XRCC4: variants seen among roughly 807,000 people sequenced by gnomAD.
The protein encoded by XRCC4 is DNA repair protein XRCC4.
A neutral mutation model predicts 39.1 loss-of-function variants in XRCC4; 28 were observed. The observed-to-expected ratio is 0.72, with a 90% CI of 0.53 to 0.98. The LOEUF (loss-of-function observed/expected upper bound fraction) is 0.98, where lower values mean the gene tolerates loss of function less well. XRCC4 is among the 50% of genes least tolerant of loss of function. The pLI is 0.00. For missense variants in XRCC4, 350 were observed against 376.4 expected (o/e 0.93, Z 0.58); for synonymous variants, 123 against 126.4 (o/e 0.97, Z 0.18).
intron 7 of XRCC4, among the ~76,000 whole-genome samples, chr5:83,303,672 G>T (rs1029430117): frequency 6.6e-6 from 1 of 152,038 alleles, no homozygotes; most frequent in Non-Finnish European, 1.5e-5. Flanking sequence ...ACTGTATAAT[G>T]TAGTAAAAAA....
chr5:83,140,913 C>A (rs1748140486), intron 3 of XRCC4, among the ~76,000 whole-genome samples: 1 of 152,246 alleles, frequency 6.6e-6, no homozygotes, highest in African/African-American at 2.4e-5. Flanking sequence ...ACACTCTTCT[C>A]ATTTCCAGAC....
rs1753814557 is a variant in XRCC4, at chr5:83,262,972, T to C, written c.893+4295T>C. On this transcript the variant is annotated intron_variant, in intron 7 of 7. Transcript: ENST00000396027. ...CTCGTCATCTAGCATTAGGTATATC[T>C]CCCGATGCTATCCCTCCCCCCCTCC... Among the ~76,000 whole-genome samples, 3 of 146,938 alleles carry C rather than the reference T, an allele frequency of 2.0e-5. No homozygotes were observed. In the East Asian group the frequency reaches 6.3e-4, roughly 31 times the overall value.
At chr5:83,225,167 A>G (rs1300270469) in intron 6 of XRCC4, among the ~76,000 whole-genome samples, 1 of 151,994 alleles carries the variant, frequency 6.6e-6, no homozygotes, top group East Asian at 1.9e-4. Context: ...TGTTTGTCCA[A>G]ACTGTTATCG....
intron 7 of XRCC4, among the ~76,000 whole-genome samples, chr5:83,322,295 C>T (rs550568525): frequency 6.6e-6 from 1 of 152,114 alleles, no homozygotes; most frequent in South Asian, 2.1e-4. Flanking sequence ...CAGCGCTGAA[C>T]TCTATCAAAT....
intron 3 of XRCC4, among the ~76,000 whole-genome samples, chr5:83,125,754 G>A (rs1312469739): frequency 1.3e-5 from 2 of 152,088 alleles, no homozygotes; most frequent in Admixed American, 6.6e-5. Flanking sequence ...AGGCCGAGGC[G>A]GGTGGATCAC....
rs113884537 is a variant in XRCC4, at chr5:83,265,096, A to T, written c.893+6419A>T. Among the ~76,000 whole-genome samples, 694 of 152,264 alleles carry T rather than the reference A, an allele frequency of 4.6e-3. 2 individuals carry two copies. The highest frequency in any genetic ancestry group is 0.016 in the African/African-American group (663 of 41,548). On this transcript the variant is annotated intron_variant, in intron 7 of 7. Transcript: ENST00000396027. ...ATCTTTTCAAAAAGAATTTATTTTC[A>T]TACCTTGATTCTTAAAAATTGCTAG...
At chr5:83,308,871 A>G (rs1755581305) in intron 7 of XRCC4, among the ~76,000 whole-genome samples, 1 of 152,152 alleles carries the variant, frequency 6.6e-6, no homozygotes, top group East Asian at 1.9e-4. Context: ...TTTAATCCAA[A>G]TATCCAAATT....
chr5:83,348,295 C>T (rs1756979265), intron 7 of XRCC4, among the ~76,000 whole-genome samples: 1 of 152,198 alleles, frequency 6.6e-6, no homozygotes. Flanking sequence ...TAGAGGTTCT[C>T]CAAGAGGACT....
intron 1 of XRCC4, among the ~76,000 whole-genome samples, chr5:83,093,553 G>A (rs1745530959): frequency 6.6e-6 from 1 of 152,174 alleles, no homozygotes; most frequent in African/African-American, 2.4e-5. Context: ...TAGATTGTAT[G>A]TTAGTTCACA....
At chr5:83,264,616 C>T (rs1458213705) in intron 7 of XRCC4, among the ~76,000 whole-genome samples, 1 of 152,016 alleles carries the variant, frequency 6.6e-6, no homozygotes, top group African/African-American at 2.4e-5. Context: ...CGTAATCCCA[C>T]CCACCTGGAG....
intron 3 of XRCC4, among the ~76,000 whole-genome samples, chr5:83,150,298 T>C (rs1748642767): frequency 6.6e-6 from 1 of 152,178 alleles, no homozygotes; most frequent in Non-Finnish European, 1.5e-5. Flanking sequence ...TATCCTTGAA[T>C]TGCACACATT....
chr5:83,172,293 G>A (rs773247153), intron 3 of XRCC4, among the ~76,000 whole-genome samples: 7 of 152,176 alleles, frequency 4.6e-5, no homozygotes, highest in East Asian at 1.9e-4. Flanking sequence ...GACATCCATC[G>A]ATCAGTTAAT....
At chr5:83,186,457 G>A (rs944592308) in intron 3 of XRCC4, among the ~76,000 whole-genome samples, 5 of 152,036 alleles carry the variant, frequency 3.3e-5, no homozygotes, top group South Asian at 4.1e-4. Context: ...TGCTTTATTC[G>A]CACATCACCT....
intron 1 of XRCC4, 69 bp from the exon 2 acceptor site, chr5:83,104,841 G>T (rs546363804): frequency 7.9e-5 from 112 of 1,425,974 alleles, no homozygotes; most frequent in Admixed American, 1.5e-4. Flanking sequence ...TAGCTGAGAG[G>T]CCAGTACAGA....
At chr5:83,309,695 C>T (rs1182441839) in intron 7 of XRCC4, among the ~76,000 whole-genome samples, 4 of 122,690 alleles carry the variant, frequency 3.3e-5, no homozygotes, top group African/African-American at 9.2e-5. Context: ...ACCCGGGAGG[C>T]GGAGGTTGCA....
Position 83,142,005 on chromosome 5 carries a change from A to T in XRCC4, c.315+30802A>T, listed in dbSNP as rs1748202928. ...CTTATTGCATGTGTGGAAATATCTT[A>T]CCTATCAGTTTTCAGTTACCTTCTT... On this transcript the variant is annotated intron_variant, in intron 3 of 7. Coordinates refer to ENST00000396027, the MANE Select transcript of XRCC4 (RefSeq NM_003401.5). 2.0e-5 allele frequency among the ~76,000 whole-genome samples: 3 copies of T among 152,262 alleles called. No individual in the cohort carries two copies. In the South Asian group the frequency reaches 6.2e-4, roughly 32 times the overall value.
At chr5:83,094,882 ATCT>A (rs935411105) in intron 1 of XRCC4, among the ~76,000 whole-genome samples, 2 of 102,416 alleles carry the variant, frequency 2.0e-5, no homozygotes, top group African/African-American at 7.9e-5. Context: ...TTATTCTGAA[ATCT>A]TTTTTTTTTT....
At chr5:83,149,839 A>G (rs531898972) in intron 3 of XRCC4, among the ~76,000 whole-genome samples, 78 of 152,244 alleles carry the variant, frequency 5.1e-4, no homozygotes, top group African/African-American at 1.8e-3. Flanking sequence ...GCAAAACCAA[A>G]GTGGACCACC....
At chr5:83,305,804 A>C (rs185371452) in intron 7 of XRCC4, among the ~76,000 whole-genome samples, 160 of 152,298 alleles carry the variant, frequency 1.1e-3, no homozygotes, top group Non-Finnish European at 1.5e-3. Context: ...TTAATTATAC[A>C]AAGTCTCAAC....
Sources: gnomAD v4.1 joint callset for allele counts (sites outside exome capture counted in the v4.1 genomes callset) on GRCh38, gnomAD v4.1.1 for gene constraint, MANE v1.5 for transcripts, NCBI Gene and HGNC (gene_info 2026-07-23, HGNC 2026-07-21) for gene names.